The following GPC5 variants were observed in gnomAD, a reference collection of about 807,000 sequenced individuals.
The protein encoded by GPC5 is glypican-5.
GPC5 carries 47 observed loss-of-function variants against 53.9 expected under a neutral mutation model. The observed-to-expected ratio is 0.87, with a 90% CI of 0.69 to 1.11. GPC5 has a LOEUF of 1.11. Ranked by LOEUF, GPC5 falls within the 50% of genes most tolerant of loss-of-function variation. GPC5 has a pLI of 0.00. For synonymous variants in GPC5, 286 were observed against 263.3 expected (o/e 1.09, Z -0.84); for missense variants, 748 against 713.1 (o/e 1.05, Z -0.56).
At chr13:91,750,920 C>T (rs1011948070) in intron 4 of GPC5, among the ~76,000 whole-genome samples, 2 of 151,966 alleles carry the variant, frequency 1.3e-5, no homozygotes, top group Non-Finnish European at 1.5e-5. Context: ...CATTGGCCTC[C>T]CAAAGTGCTG....
intron 7 of GPC5, among the ~76,000 whole-genome samples, chr13:92,170,585 C>T (rs897274109): frequency 2.0e-5 from 3 of 151,762 alleles, no homozygotes; most frequent in Non-Finnish European, 2.9e-5. Flanking sequence ...CAGCCACGCC[C>T]AGCTAATTTT....
At chr13:91,732,328 T>G (rs2036718289) in intron 4 of GPC5, among the ~76,000 whole-genome samples, 1 of 152,172 alleles carries the variant, frequency 6.6e-6, no homozygotes, top group Non-Finnish European at 1.5e-5. Context: ...TGCATAAATG[T>G]CTTCTCTTGA....
chr13:92,185,803 G>A lies in GPC5; in HGVS notation c.1561+40814G>A, dbSNP rs577924785. Among the ~76,000 whole-genome samples the A allele has an allele frequency of 5.9e-5, 9 of 152,228 alleles. No homozygotes were observed. In the South Asian group the frequency reaches 1.9e-3, roughly 32 times the overall value. Reference sequence around the variant, plus strand: ...TTAGAATATGTTGATTGATTCCCATGTAAATGATAATATTGATAGTATTCA... The same window carrying A: ...TTAGAATATGTTGATTGATTCCCATATAAATGATAATATTGATAGTATTCA... On this transcript the variant is annotated intron_variant, in intron 7 of 7. Coordinates refer to ENST00000377067, the MANE Select transcript of GPC5 (RefSeq NM_004466.6).
chr13:91,498,239 A>ATTTT (rs60732957), intron 2 of GPC5, among the ~76,000 whole-genome samples: 11 of 110,224 alleles, frequency 1.0e-4, no homozygotes, highest in East Asian at 5.1e-4. Context: ...CTACCCAAAG[A>ATTTT]TTTTTTTTTT....
intron 2 of GPC5, among the ~76,000 whole-genome samples, chr13:91,683,192 TGAG>T (rs2035547698): frequency 2.0e-5 from 3 of 151,792 alleles, no homozygotes; most frequent in Non-Finnish European, 4.4e-5. Context: ...GAAGACAATG[TGAG>T]ATTAGAGTGA....
chr13:92,106,311 A>G (rs986491678), intron 6 of GPC5, among the ~76,000 whole-genome samples: 1 of 152,108 alleles, frequency 6.6e-6, no homozygotes, highest in African/African-American at 2.4e-5. Context: ...AACAGGCAGT[A>G]TATGCACATT....
rs557189151 is a variant in GPC5 at position 92,379,670 on chromosome 13, A to G, written c.1561+234681A>G. 1.2e-4 allele frequency among the ~76,000 whole-genome samples: 18 copies of G among 150,546 alleles called. 1 individual carries two copies. In the South Asian group the frequency reaches 3.8e-3, roughly 32 times the overall value. On this transcript the variant is annotated intron_variant, in intron 7 of 7. Transcript: ENST00000377067. The stretch of plus-strand genomic sequence containing the variant: ...TAGTTCTTCCCTGTGCCCCCTGCAT[A>G]TTAGTTCCTCTCTGTGCCCCCTGCA...
chr13:92,648,921 G>A (rs1182920009), intron 7 of GPC5, among the ~76,000 whole-genome samples: 1 of 152,040 alleles, frequency 6.6e-6, no homozygotes, highest in East Asian at 1.9e-4. Context: ...GCCTTCTCAT[G>A]GAGGGTGGTT....
chr13:92,211,859 A>G lies in GPC5; in HGVS notation c.1561+66870A>G, dbSNP rs555164485. On this transcript the variant is annotated intron_variant, in intron 7 of 7. Transcript: ENST00000377067. ...TCGTCTGTTCCTATTGATTTGAATCAGGAACTAAATTATCCCCACTGCTGC... is the reference window on the plus strand; with the variant it reads ...TCGTCTGTTCCTATTGATTTGAATCGGGAACTAAATTATCCCCACTGCTGC... Among the ~76,000 whole-genome samples, 27 of 152,332 alleles carry G rather than the reference A, an allele frequency of 1.8e-4. 1 individual carries two copies. The highest frequency in any genetic ancestry group is 3.1e-4 in the Non-Finnish European group (21 of 68,028).
rs111734299 is a variant in GPC5, at chr13:92,477,438, T to G, written c.1561+332449T>G. ...CAGGCATGTATCTGCAGGACCTTAG[T>G]AAACTTCCTGTTTGGCATAATTCTC... is the stretch of plus-strand genomic sequence containing the variant. On this transcript the variant is annotated intron_variant, in intron 7 of 7. Transcript: ENST00000377067. Among the ~76,000 whole-genome samples, 1,028 of 152,272 alleles carry G rather than the reference T, an allele frequency of 6.8e-3. 6 individuals are homozygous for G. The highest frequency in any genetic ancestry group is 0.027 in the Middle Eastern group (8 of 294).
At chr13:92,410,419 A>G (rs1242038938) in intron 7 of GPC5, among the ~76,000 whole-genome samples, 1 of 152,218 alleles carries the variant, frequency 6.6e-6, no homozygotes, top group East Asian at 1.9e-4. Context: ...CACACCTGGC[A>G]TGACTCAGGT....
intron 6 of GPC5, among the ~76,000 whole-genome samples, chr13:91,984,046 T>G (rs2040385007): frequency 6.6e-6 from 1 of 152,162 alleles, no homozygotes; most frequent in Non-Finnish European, 1.5e-5. Context: ...ACTTTATATT[T>G]CTAGATTTGT....
At chr13:92,284,479 G>A (rs2042939412) in intron 7 of GPC5, among the ~76,000 whole-genome samples, 1 of 152,146 alleles carries the variant, frequency 6.6e-6, no homozygotes, top group Non-Finnish European at 1.5e-5. Flanking sequence ...GAACATCAAT[G>A]CAAAAATCCT....
intron 7 of GPC5, among the ~76,000 whole-genome samples, chr13:92,761,493 T>C (rs967076399): frequency 1.5e-4 from 23 of 152,196 alleles, no homozygotes; most frequent in Non-Finnish European, 2.8e-4. Context: ...TATTTTCTGG[T>C]GTCTTTAATT....
Position 92,347,851 on chromosome 13 carries a change from ATACATATATATAT to A in GPC5, c.1561+202865_1561+202877del, listed in dbSNP as rs1445044761. On this transcript the variant is annotated intron_variant, in intron 7 of 7. Coordinates refer to ENST00000377067, the MANE Select transcript of GPC5 (RefSeq NM_004466.6). ...TTATCAGCTTGAAATAGGCTGTTTT[ATACATATATATAT>A]TATATATATAATATATATTATATAT... Among the ~76,000 whole-genome samples, 7 of 16,934 alleles carry A rather than the reference ATACATATATATAT, an allele frequency of 4.1e-4. 3 individuals are homozygous for A. The highest frequency in any genetic ancestry group is 3.2e-3 in the African/African-American group (7 of 2,162). 11.1% of individuals were successfully genotyped at this position (16,934 alleles called of 152,430 possible). A position where few individuals can be genotyped will look rare whatever the true frequency, so the allele number is the denominator to read the frequency against.
chr13:92,150,983 A>G (rs1450098002), intron 7 of GPC5, among the ~76,000 whole-genome samples: 1 of 151,894 alleles, frequency 6.6e-6, no homozygotes, highest in East Asian at 1.9e-4. Context: ...CCAGAAACAA[A>G]CCCATTCTTA....
chr13:92,183,545 CAATT>C (rs1352219616), intron 7 of GPC5, among the ~76,000 whole-genome samples: 1 of 151,940 alleles, frequency 6.6e-6, no homozygotes, highest in African/African-American at 2.4e-5. Flanking sequence ...TTTAAAATAA[CAATT>C]AAAATATAGT....
intron 5 of GPC5, among the ~76,000 whole-genome samples, chr13:91,833,797 G>A (rs1367098819): frequency 2.0e-5 from 3 of 151,952 alleles, no homozygotes; most frequent in Non-Finnish European, 4.4e-5. Context: ...ATACTGAATG[G>A]GCAAAAACGG....
intron 2 of GPC5, among the ~76,000 whole-genome samples, chr13:91,529,399 G>C (rs578152601): frequency 2.5e-4 from 38 of 152,222 alleles, no homozygotes; most frequent in Admixed American, 2.4e-3. Context: ...AATCATTAAA[G>C]ATACAAGCTT....
Sources: gnomAD v4.1 joint callset for allele counts (sites outside exome capture counted in the v4.1 genomes callset) on GRCh38, gnomAD v4.1.1 for gene constraint, MANE v1.5 for transcripts, NCBI Gene and HGNC (gene_info 2026-07-23, HGNC 2026-07-21) for gene names.